PRELID2: variants seen among roughly 807,000 people sequenced by gnomAD.
PRELID2 encodes PRELI domain-containing protein 2.
In PRELID2, 25 loss-of-function variants were observed where a neutral mutation model predicts 28.4. The observed-to-expected ratio is 0.88, with a 90% CI of 0.64 to 1.23. The LOEUF (loss-of-function observed/expected upper bound fraction) is 1.23. PRELID2 is among the 50% of genes most tolerant of loss of function. The pLI, the probability that PRELID2 is intolerant of heterozygous loss-of-function variation, is 0.00. For missense variants in PRELID2, 201 were observed against 214.4 expected (o/e 0.94, Z 0.39); for synonymous variants, 76 against 71.6 (o/e 1.06, Z -0.31).
At position 145,827,181 on chromosome 5, in the gene PRELID2, G is replaced by A. The variant is rs191210977; in HGVS notation, c.76-4047C>T. Among the ~76,000 whole-genome samples, 399 of 152,272 alleles carry A rather than the reference G, an allele frequency of 2.6e-3. 2 individuals carry two copies. The highest frequency in any genetic ancestry group is 8.8e-3 in the African/African-American group (364 of 41,560). On this transcript the variant is annotated intron_variant, in intron 1 of 6. Coordinates refer to ENST00000683046, the MANE Select transcript of PRELID2 (RefSeq NM_205846.3). Reference sequence around the variant, plus strand: ...TGTTATCTAGGCTGCTGCCAAACATGTACATGCAAAGAGATGGGGCTGCTG... The same window carrying A: ...TGTTATCTAGGCTGCTGCCAAACATATACATGCAAAGAGATGGGGCTGCTG...
intron 5 of PRELID2, among the ~76,000 whole-genome samples, chr5:145,782,172 A>G (rs1029109738): frequency 6.6e-6 from 1 of 152,154 alleles, no homozygotes; most frequent in Admixed American, 6.5e-5. Context: ...CTTCAAAGTC[A>G]TATGTACACC....
chr5:145,341,808 G>C, the PRELID2 span, among the ~76,000 whole-genome samples: 1 of 151,580 alleles, frequency 6.6e-6, no homozygotes, highest in African/African-American at 2.4e-5. Context: ...TGTGGTCAAA[G>C]AGAAAATGAA....
At chr5:145,260,993 G>T in the PRELID2 span, among the ~76,000 whole-genome samples, 3 of 152,266 alleles carry the variant, frequency 2.0e-5, no homozygotes, top group Admixed American at 1.3e-4. Flanking sequence ...GGAGTGAGAT[G>T]CCTTGTGGGC....
chr5:145,620,873 A>C (rs1463289804), intron 1 of PRELID2, among the ~76,000 whole-genome samples: 2 of 152,156 alleles, frequency 1.3e-5, no homozygotes, highest in East Asian at 3.9e-4. Flanking sequence ...AAAAATAAAT[A>C]ACTTACAAAA....
intron 1 of PRELID2, among the ~76,000 whole-genome samples, chr5:145,512,151 T>C (rs2126641680): frequency 6.6e-6 from 1 of 151,840 alleles, no homozygotes; most frequent in East Asian, 1.9e-4. Flanking sequence ...GAGAAGAAGG[T>C]GGTGGCTGGC....
chr5:145,370,574 CT>C, the PRELID2 span, among the ~76,000 whole-genome samples: 1 of 152,002 alleles, frequency 6.6e-6, no homozygotes, highest in Admixed American at 6.6e-5. Flanking sequence ...CAGCTTTGTT[CT>C]TTTTTCTTAG....
At chr5:145,632,299 C>T (rs80147267) in intron 1 of PRELID2, among the ~76,000 whole-genome samples, 1 of 152,112 alleles carries the variant, frequency 6.6e-6, no homozygotes, top group Admixed American at 6.6e-5. Flanking sequence ...TTTATCAAAA[C>T]AATCACCGAA....
the PRELID2 span, among the ~76,000 whole-genome samples, chr5:145,335,000 T>C: frequency 6.6e-6 from 1 of 152,130 alleles, no homozygotes; most frequent in Non-Finnish European, 1.5e-5. Context: ...AACCTGGACA[T>C]CCTACCCTTC....
chr5:145,234,023 C>T, the PRELID2 span, among the ~76,000 whole-genome samples: 3 of 152,020 alleles, frequency 2.0e-5, no homozygotes, highest in African/African-American at 7.2e-5. Context: ...AAAATAGACA[C>T]CCTTATTTGA....
At chr5:145,229,906 A>T in the PRELID2 span, 1 of 749,842 alleles carries the variant, frequency 1.3e-6, no homozygotes, top group East Asian at 2.5e-5. Context: ...CTTGGCTGGG[A>T]GTCCCCACTG....
the PRELID2 span, among the ~76,000 whole-genome samples, chr5:145,350,778 G>A: frequency 1.3e-5 from 2 of 152,120 alleles, no homozygotes; most frequent in South Asian, 4.1e-4. Context: ...TGTGCTCCAG[G>A]AAGGAAGGCA....
At chr5:145,298,229 G>C in the PRELID2 span, among the ~76,000 whole-genome samples, 5 of 152,076 alleles carry the variant, frequency 3.3e-5, no homozygotes, top group African/African-American at 9.7e-5. Context: ...ATACTACAAG[G>C]CTACAGTAAT....
chr5:145,755,727 C>T (rs981981559), downstream of PRELID2, among the ~76,000 whole-genome samples: 2 of 123,046 alleles, frequency 1.6e-5, no homozygotes, highest in Non-Finnish European at 3.4e-5. Flanking sequence ...ATGATACACG[C>T]CTTCTAGTGA....
At chr5:145,762,251 C>T (rs946837698) in intron 6 of PRELID2, among the ~76,000 whole-genome samples, 19 of 152,274 alleles carry the variant, frequency 1.2e-4, no homozygotes, top group African/African-American at 4.6e-4. Context: ...GAGTAAGTTG[C>T]TTTTCACAAA....
chr5:145,762,485 C>T (rs1276155613), intron 6 of PRELID2, among the ~76,000 whole-genome samples: 1 of 151,562 alleles, frequency 6.6e-6, no homozygotes, highest in Non-Finnish European at 1.5e-5. Flanking sequence ...TATGGTGAGC[C>T]GTGATTGCGC....
chr5:145,382,886 AATAAT>A, the PRELID2 span, among the ~76,000 whole-genome samples: 2 of 151,924 alleles, frequency 1.3e-5, no homozygotes, highest in Non-Finnish European at 2.9e-5. Flanking sequence ...TTAAAAATAA[AATAAT>A]ATAAAAAATG....
At chr5:145,783,666 A>C (rs1316056079) in intron 5 of PRELID2, among the ~76,000 whole-genome samples, 1 of 152,194 alleles carries the variant, frequency 6.6e-6, no homozygotes, top group African/African-American at 2.4e-5. Context: ...ATAGGGAAAA[A>C]ATATTTCATC....
intron 1 of PRELID2, among the ~76,000 whole-genome samples, chr5:145,682,334 A>G (rs537226304): frequency 6.6e-6 from 1 of 152,306 alleles, no homozygotes; most frequent in East Asian, 1.9e-4. Flanking sequence ...CACTGGGAAA[A>G]TAATAACCAC....
the PRELID2 span, among the ~76,000 whole-genome samples, chr5:145,422,055 C>A: frequency 7.1e-6 from 1 of 140,564 alleles, no homozygotes; most frequent in South Asian, 2.3e-4. Flanking sequence ...GAGTGAGATT[C>A]TTAATCCTGA....
Sources: gnomAD v4.1 joint callset for allele counts (sites outside exome capture counted in the v4.1 genomes callset) on GRCh38, gnomAD v4.1.1 for gene constraint, MANE v1.5 for transcripts, NCBI Gene and HGNC (gene_info 2026-07-23, HGNC 2026-07-21) for gene names.